Variants in DGKZ observed in about 807,000 individuals in gnomAD.
DGKZ encodes diacylglycerol kinase zeta.
In DGKZ, 45 loss-of-function variants were observed where a neutral mutation model predicts 142.5. That is an observed-to-expected ratio of 0.32 (90% CI 0.25 to 0.40). The LOEUF (loss-of-function observed/expected upper bound fraction) is 0.40. Ranked by LOEUF, DGKZ falls within the 10% of genes least tolerant of loss-of-function variation. The pLI, the probability that DGKZ is intolerant of heterozygous loss-of-function variation, is 1.00. For missense variants in DGKZ, 755 were observed against 1,306.5 expected, an observed-to-expected ratio of 0.58 and a Z score of 6.51; for synonymous variants, 442 against 527.0, an observed-to-expected ratio of 0.84 and a Z score of 2.21.
chr11:46,374,894 G>T, intron 18 of DGKZ, 40 bp from the exon 19 acceptor site: 1 of 1,572,850 alleles, frequency 6.4e-7, no homozygotes, highest in South Asian at 1.2e-5. Flanking sequence ...GTCCTGCAGA[G>T]ACTGTGTTTT....
chr11:46,367,270 C>G lies in DGKZ; in HGVS notation c.162-21C>G. On this transcript the variant is annotated intron_variant, in intron 1 of 30. Coordinates refer to ENST00000527911, the Ensembl canonical transcript of DGKZ. This position sits in a 1 kb window ranked among gnomAD's most constrained non-coding sequence, Gnocchi z 4.1. Reference sequence around the variant, plus strand: ...GTCAGCAAGTGCTCAGCCCCCTCCTCAGCTGTCTTCTCCTCTCTAGGAAAG... The same window carrying G: ...GTCAGCAAGTGCTCAGCCCCCTCCTGAGCTGTCTTCTCCTCTCTAGGAAAG... 6.2e-7 allele frequency: 1 copy of G among 1,602,656 alleles called. No individual in the cohort carries two copies. The highest frequency in any genetic ancestry group is 8.5e-7 in the Non-Finnish European group (1 of 1,172,262).
chr11:46,366,365 T>TC lies in DGKZ; in HGVS notation c.162-921dup, dbSNP rs770590945. The stretch of plus-strand genomic sequence containing the variant: ...GCCCACAGGCAAGGCCCGGCGTCGC[T>TC]CCCCCGCTGGGCAGGCCTCCTCCTC... On this transcript the variant is annotated intron_variant, in intron 1 of 30. Transcript: ENST00000527911. 1.1e-4 allele frequency: 172 copies of TC among 1,521,654 alleles called. 1 individual carries two copies. The Admixed American group carries it at 1.5e-3, about 14-fold the overall frequency. 94.3% of individuals were successfully genotyped at this position (1,521,654 alleles called of 1,614,324 possible).
At chr11:46,349,960 C>T (rs1404268229) in intron 1 of DGKZ, among the ~76,000 whole-genome samples, 1 of 152,188 alleles carries the variant, frequency 6.6e-6, no homozygotes, top group Non-Finnish European at 1.5e-5. Flanking sequence ...TTTGAAGCTT[C>T]CCAGGTGATT....
At chr11:46,368,179 A>G (rs765882326) in intron 4 of DGKZ, 100 bp downstream of exon 4, 162 of 1,281,796 alleles carry the variant, frequency 1.3e-4, no homozygotes, top group Non-Finnish European at 1.7e-4. Context: ...GCCTGCCAGG[A>G]GTGACCCAGC....
chr11:46,369,365 ACT>A (rs777039541), intron 4 of DGKZ, 127 bp from the exon 5 acceptor site: 4 of 1,041,312 alleles, frequency 3.8e-6, no homozygotes, highest in South Asian at 1.3e-5. Flanking sequence ...TGTTTCAAGG[ACT>A]CTCGTGACGA....
rs752166288 is a variant in DGKZ at position 46,367,327 on chromosome 11, C to G, written c.198C>G (p.Ala66=). Residue 66 remains alanine (A), a synonymous_variant, in exon 2 of 31, where the codon GCC becomes GCG. Coordinates refer to ENST00000527911, the Ensembl canonical transcript of DGKZ. This position sits in a 1 kb window ranked among gnomAD's most constrained non-coding sequence, Gnocchi z 4.1. ...CCAAGTCGGGCCTCCAGCACCTGGC[C>G]CCCCCTCCGCCCACCCCTGGGGCCC... The G allele has an allele frequency of 3.5e-5, 56 of 1,612,662 alleles. No individual in the cohort carries two copies. The highest frequency in any genetic ancestry group is 5.3e-5 in the African/African-American group (4 of 74,886).
Position 46,378,070 on chromosome 11 carries a change from T to C in DGKZ, c.2343-128T>C. Reference sequence around the variant, plus strand: ...CCTGCTGTATCCCCAGTGCCTGGAATAGTGCTTGGTGTGTAGCAGGCACTC... The same window carrying C: ...CCTGCTGTATCCCCAGTGCCTGGAACAGTGCTTGGTGTGTAGCAGGCACTC... On this transcript the variant is annotated intron_variant, in intron 25 of 30. Coordinates refer to ENST00000527911, the Ensembl canonical transcript of DGKZ. 1.2e-5 allele frequency: 14 copies of C among 1,182,510 alleles called. No homozygotes were observed. The South Asian group carries it at 1.8e-4, about 16-fold the overall frequency. 73.3% of individuals were successfully genotyped at this position (1,182,510 alleles called of 1,614,324 possible). A position where few individuals can be genotyped will look rare whatever the true frequency, so the allele number is the denominator to read the frequency against.
In DGKZ at chr11:46,367,813, C is replaced by T. The variant is rs1315120155; in HGVS notation, c.366+66C>T. The T allele has an allele frequency of 1.9e-6, 3 of 1,596,198 alleles. No homozygotes were observed. The highest frequency in any genetic ancestry group is 2.6e-6 in the Non-Finnish European group (3 of 1,165,956). On this transcript the variant is annotated intron_variant, in intron 3 of 30. Transcript: ENST00000527911. This position sits in a 1 kb window ranked among gnomAD's most constrained non-coding sequence, Gnocchi z 4.1. ...CCAGTAGCCGCAGCCCTTCCGGGAA[C>T]GTGGGATTGAGCCCGCTCCCTGGCA...
In DGKZ at chr11:46,373,147, C is replaced by A; in HGVS notation, c.1326+46C>A. On this transcript the variant is annotated intron_variant, in intron 14 of 30. Coordinates refer to ENST00000527911, the Ensembl canonical transcript of DGKZ. The stretch of plus-strand genomic sequence containing the variant: ...GGGGGGCAGGGCAGGTGACTGGGGA[C>A]TGGATCCCACTTTTCCACTTGCTGG... 7 of 1,497,804 alleles carry A rather than the reference C, an allele frequency of 4.7e-6. No individual in the cohort carries two copies. The South Asian group carries it at 5.2e-5, about 11-fold the overall frequency. 92.8% of individuals were successfully genotyped at this position (1,497,804 alleles called of 1,614,324 possible). A position where few individuals can be genotyped will look rare whatever the true frequency, so the allele number is the denominator to read the frequency against.
intron 1 of DGKZ, among the ~76,000 whole-genome samples, chr11:46,363,304 C>G (rs756744585): frequency 6.6e-6 from 1 of 152,140 alleles, no homozygotes; most frequent in Non-Finnish European, 1.5e-5. Flanking sequence ...CATGGGAGCA[C>G]GGAGGCATGG....
intron 1 of DGKZ, among the ~76,000 whole-genome samples, chr11:46,352,537 A>G (rs534428316): frequency 5.1e-4 from 77 of 152,294 alleles, no homozygotes; most frequent in Non-Finnish European, 7.4e-4. Context: ...GACTCAGCCA[A>G]GTTCTCGCAG....
At chr11:46,377,568 G>C in intron 25 of DGKZ, 1 of 318,108 alleles carries the variant, frequency 3.1e-6, no homozygotes, top group Non-Finnish European at 5.8e-6. Context: ...TCGTGCCCTC[G>C]AACCCCCATC....
At chr11:46,370,626 G>A (rs1257274327) in intron 6 of DGKZ, among the ~76,000 whole-genome samples, 2 of 152,178 alleles carry the variant, frequency 1.3e-5, no homozygotes, top group East Asian at 1.9e-4. Flanking sequence ...TCAGGCCTCG[G>A]GGGTAGGAAG....
intron 1 of DGKZ, among the ~76,000 whole-genome samples, chr11:46,352,927 C>G (rs1055396891): frequency 1.3e-5 from 2 of 152,222 alleles, no homozygotes; most frequent in African/African-American, 4.8e-5. Flanking sequence ...AACCAAATGC[C>G]CTGGAAGAGC....
At chr11:46,349,947 T>G (rs1469886895) in intron 1 of DGKZ, among the ~76,000 whole-genome samples, 1 of 152,130 alleles carries the variant, frequency 6.6e-6, no homozygotes, top group Non-Finnish European at 1.5e-5. Context: ...GGCCTGGGCA[T>G]TGTTTGAAGC....
At chr11:46,344,953 T>C (rs1047696924), upstream of DGKZ, among the ~76,000 whole-genome samples, 22 of 152,112 alleles carry the variant, frequency 1.4e-4, no homozygotes, top group Non-Finnish European at 3.1e-4. Context: ...GGCTCCATCC[T>C]CATTGCTCAT....
At chr11:46,378,830 G>A in intron 27 of DGKZ, 161 bp from the exon 28 acceptor site, 1 of 1,221,246 alleles carries the variant, frequency 8.2e-7, no homozygotes, top group Non-Finnish European at 1.1e-6. Flanking sequence ...CCCTCCTCCG[G>A]TGTGCTCCAG....
chr11:46,374,496 C>A, intron 16 of DGKZ, 42 bp downstream of exon 16: 1 of 1,613,710 alleles, frequency 6.2e-7, no homozygotes, highest in Non-Finnish European at 8.5e-7. Flanking sequence ...ACCTCTTCTA[C>A]CACCCGTGCC....
chr11:46,340,131 A>G (rs144681791), intron 1 of DGKZ, among the ~76,000 whole-genome samples: 136 of 152,384 alleles, frequency 8.9e-4, no homozygotes, highest in Non-Finnish European at 1.5e-3. Context: ...GCCAGGATCC[A>G]GACTGAGATC....
Sources: gnomAD v4.1 joint callset for allele counts (sites outside exome capture counted in the v4.1 genomes callset) on GRCh38, gnomAD v4.1.1 for gene constraint, Gnocchi (gnomAD v3.1) non-coding constraint, MANE v1.5 for transcripts, NCBI Gene and HGNC (gene_info 2026-07-23, HGNC 2026-07-21) for gene names.